The following ADGRG6 variants were observed in gnomAD, a reference collection of about 807,000 sequenced individuals.
ADGRG6 encodes the protein G-protein coupled receptor 126.
A neutral mutation model predicts 142.4 loss-of-function variants in ADGRG6; 84 were observed. That is an observed-to-expected ratio of 0.59 (90% CI 0.49 to 0.71). ADGRG6 has a LOEUF of 0.71. Ranked by LOEUF, ADGRG6 falls within the 30% of genes least tolerant of loss-of-function variation. ADGRG6 has a pLI of 0.00. For synonymous variants in ADGRG6, 521 were observed against 520.5 expected (o/e 1.00, Z -0.01); for missense variants, 1,367 against 1,466.6 (o/e 0.93, Z 1.11).
intron 6 of ADGRG6, among the ~76,000 whole-genome samples, chr6:142,387,574 C>T (rs936118743): frequency 3.9e-5 from 6 of 152,108 alleles, no homozygotes; most frequent in African/African-American, 1.2e-4. Flanking sequence ...AAGAAATAAC[C>T]AGGTGTCTAG....
intron 8 of ADGRG6, among the ~76,000 whole-genome samples, chr6:142,393,453 C>G (rs1304771081): frequency 6.6e-6 from 1 of 151,996 alleles, no homozygotes; most frequent in Non-Finnish European, 1.5e-5. Flanking sequence ...TATTTAAATC[C>G]TCCACTATCT....
chr6:142,377,129 T>G (rs886314966), intron 4 of ADGRG6, among the ~76,000 whole-genome samples: 7 of 152,240 alleles, frequency 4.6e-5, no homozygotes, highest in Non-Finnish European at 1.0e-4. Context: ...GTTGTAGAAC[T>G]TTGCTTCTTA....
At chr6:142,319,692 A>G (rs570193208) in intron 2 of ADGRG6, among the ~76,000 whole-genome samples, 1 of 152,212 alleles carries the variant, frequency 6.6e-6, no homozygotes, top group Non-Finnish European at 1.5e-5. Flanking sequence ...TAAGACAGTT[A>G]TTAGAATATT....
At chr6:142,341,637 T>C (rs1435963529) in intron 2 of ADGRG6, among the ~76,000 whole-genome samples, 21 of 128,060 alleles carry the variant, frequency 1.6e-4, no homozygotes, top group African/African-American at 6.7e-4. Flanking sequence ...TAATATATAA[T>C]ATATATAATA....
rs574817986 is a variant in ADGRG6, at chr6:142,350,060, G to T, written c.104-17509G>T. Among the ~76,000 whole-genome samples the T allele has an allele frequency of 4.8e-3, 733 of 152,304 alleles. 8 individuals carry two copies. The highest frequency in any genetic ancestry group is 0.017 in the African/African-American group (695 of 41,556). ...CTGACTTTGAAAAGCTTACAGACTT[G>T]ATTGCATAAGCAAGGTAATTTTTAA... On this transcript the variant is annotated intron_variant, in intron 2 of 24. Coordinates refer to ENST00000367609, the MANE Select transcript of ADGRG6 (RefSeq NM_198569.3).
At chr6:142,343,459 A>T (rs1011158382) in intron 2 of ADGRG6, among the ~76,000 whole-genome samples, 21 of 151,838 alleles carry the variant, frequency 1.4e-4, no homozygotes, top group African/African-American at 4.8e-4. Flanking sequence ...TTTTAAAAAA[A>T]CATGTATTTT....
At chr6:142,314,413 C>T (rs1340024868) in intron 2 of ADGRG6, among the ~76,000 whole-genome samples, 1 of 152,112 alleles carries the variant, frequency 6.6e-6, no homozygotes, top group Non-Finnish European at 1.5e-5. Flanking sequence ...GCATGACTGT[C>T]ATAATGTGGA....
At chr6:142,384,203 C>T (rs755464790) in intron 6 of ADGRG6, among the ~76,000 whole-genome samples, 1 of 151,976 alleles carries the variant, frequency 6.6e-6, no homozygotes, top group Non-Finnish European at 1.5e-5. Context: ...CTGCAGGAAA[C>T]AAGTTTTAAA....
intron 4 of ADGRG6, among the ~76,000 whole-genome samples, chr6:142,372,502 G>T: frequency 6.6e-6 from 1 of 152,130 alleles, no homozygotes; most frequent in Admixed American, 6.5e-5. Flanking sequence ...CCACCTGTTC[G>T]TGTGGTCCAT....
chr6:142,371,614 T>C (rs1271012732), intron 4 of ADGRG6, among the ~76,000 whole-genome samples: 1 of 151,538 alleles, frequency 6.6e-6, no homozygotes, highest in East Asian at 1.9e-4. Flanking sequence ...GCCTATCGAG[T>C]AGCTGGGACT....
At chr6:142,413,162 T>C (rs1330880580) in intron 18 of ADGRG6, among the ~76,000 whole-genome samples, 1 of 152,126 alleles carries the variant, frequency 6.6e-6, no homozygotes, top group African/African-American at 2.4e-5. Context: ...GATGTTCTCT[T>C]ATCTTTTCAG....
chr6:142,306,175 C>T (rs1252100832), intron 1 of ADGRG6, among the ~76,000 whole-genome samples: 1 of 152,088 alleles, frequency 6.6e-6, no homozygotes, highest in Non-Finnish European at 1.5e-5. Context: ...AAAATTTCTT[C>T]ACTAATTTCT....
At chr6:142,329,795 G>T (rs1166264925) in intron 2 of ADGRG6, among the ~76,000 whole-genome samples, 2 of 152,110 alleles carry the variant, frequency 1.3e-5, no homozygotes, top group South Asian at 4.1e-4. Flanking sequence ...TACTCCTTAA[G>T]ATATCTTATT....
chr6:142,403,089 C>G (rs1281457597), intron 13 of ADGRG6, among the ~76,000 whole-genome samples: 1 of 151,372 alleles, frequency 6.6e-6, no homozygotes, highest in East Asian at 1.9e-4. Flanking sequence ...TTTGAAAATT[C>G]TAAATTTAGT....
chr6:142,370,062 G>GGTAAAA, intron 3 of ADGRG6, 108 bp from the exon 4 acceptor site: 1 of 822,706 alleles, frequency 1.2e-6, no homozygotes, highest in South Asian at 2.1e-5. Context: ...GCAAATGGTA[G>GGTAAAA]GTAAAAAGTT....
At position 142,370,261 on chromosome 6, in the gene ADGRG6, G is replaced by A. The variant is rs1295668137; in HGVS notation, c.537G>A (p.Glu179=). 2 of 1,613,628 alleles carry A rather than the reference G, an allele frequency of 1.2e-6. No individual in the cohort carries two copies. Among genetic ancestry groups the A allele is most frequent in the Non-Finnish European group, 1.7e-6 (2 of 1,179,656 alleles). ...VSVAKSISIP[E]LSAFTLCFEA... ...TTGCAAAAAGCATCTCTATTCCAGAGCTCAGTGCTTTCACACTCTGCTTTG... is the reference window on the plus strand; with the variant it reads ...TTGCAAAAAGCATCTCTATTCCAGAACTCAGTGCTTTCACACTCTGCTTTG... The change falls in exon 4 of 25, where the codon GAG becomes GAA. Residue 179 remains glutamate (E), a synonymous_variant. Coordinates refer to ENST00000367609, the MANE Select transcript of ADGRG6 (RefSeq NM_198569.3).
chr6:142,383,876 T>C, intron 6 of ADGRG6, 33 bp downstream of exon 6: 1 of 1,055,414 alleles, frequency 9.5e-7, no homozygotes, highest in Non-Finnish European at 1.5e-6. Context: ...ATTTTTAGTA[T>C]GTCTAACATA....
chr6:142,321,312 C>T (rs1313538439), intron 2 of ADGRG6, among the ~76,000 whole-genome samples: 1 of 150,812 alleles, frequency 6.6e-6, no homozygotes, highest in Admixed American at 6.6e-5. Flanking sequence ...CACACACACA[C>T]GTGTATATAC....
chr6:142,303,047 C>T (rs1446282342), intron 1 of ADGRG6, among the ~76,000 whole-genome samples: 1 of 152,152 alleles, frequency 6.6e-6, no homozygotes, highest in Non-Finnish European at 1.5e-5. Context: ...AAAGGGTCGC[C>T]AAGCACCGTC....
Sources: allele counts gnomAD v4.1 joint callset (sites outside exome capture counted in the v4.1 genomes callset), GRCh38; gene constraint gnomAD v4.1.1; transcripts MANE v1.5; gene names NCBI Gene and HGNC (gene_info 2026-07-23, HGNC 2026-07-21).